The following BACH2 variants were observed in gnomAD, a reference collection of about 807,000 sequenced individuals.
BACH2 encodes BACH transcriptional regulator 2.
Under a neutral mutation model 61.8 loss-of-function variants are expected in BACH2, and 5 were observed. The observed-to-expected ratio is 0.08, with a 90% CI of 0.04 to 0.17. The LOEUF is 0.17. Among genes scored for constraint, BACH2 ranks in the 10% least tolerant of loss-of-function variants. The pLI is 1.00. For synonymous variants in BACH2, 446 were observed against 440.1 expected, an observed-to-expected ratio of 1.01 and a Z score of -0.17; for missense variants, 824 against 1,091.1, an observed-to-expected ratio of 0.76 and a Z score of 3.45.
intron 6 of BACH2, among the ~76,000 whole-genome samples, chr6:89,975,309 C>T (rs16882323): frequency 0.026 from 3,917 of 152,248 alleles, 241 homozygotes; most frequent in Admixed American, 0.14. Flanking sequence ...GTATGGAACT[C>T]GACTGATACT....
chr6:89,949,886 G>A (rs1173552730), intron 7 of BACH2, among the ~76,000 whole-genome samples: 1 of 152,088 alleles, frequency 6.6e-6, no homozygotes, highest in Non-Finnish European at 1.5e-5. Context: ...CGCTGAACGG[G>A]TGAAGGGCAA....
intron 4 of BACH2, among the ~76,000 whole-genome samples, chr6:90,197,799 G>A (rs186815595): frequency 6.6e-6 from 1 of 152,208 alleles, no homozygotes; most frequent in Non-Finnish European, 1.5e-5. Flanking sequence ...AGGGGACGCA[G>A]AGAAGCAAAG....
intron 4 of BACH2, among the ~76,000 whole-genome samples, chr6:90,154,322 T>C (rs1784920319): frequency 6.6e-6 from 1 of 152,096 alleles, no homozygotes; most frequent in African/African-American, 2.4e-5. Flanking sequence ...GGTAAAAAAG[T>C]CTCAAGAGCC....
intron 5 of BACH2, among the ~76,000 whole-genome samples, chr6:90,082,869 CT>C (rs1350752945): frequency 1.3e-5 from 2 of 152,194 alleles, no homozygotes; most frequent in African/African-American, 4.8e-5. Context: ...GCATACTAAT[CT>C]GAACTGAACT....
At chr6:90,183,934 A>C (rs1313394784) in intron 4 of BACH2, among the ~76,000 whole-genome samples, 1 of 152,246 alleles carries the variant, frequency 6.6e-6, no homozygotes. Context: ...GAAAGGAAAC[A>C]ATAAACAACA....
chr6:90,070,412 CCTT>C (rs985118283), intron 5 of BACH2, among the ~76,000 whole-genome samples: 3 of 152,086 alleles, frequency 2.0e-5, no homozygotes, highest in African/African-American at 7.2e-5. Flanking sequence ...TAGCTGGTTC[CCTT>C]CTTTTCACCC....
At chr6:90,037,732 G>A (rs1209816594) in intron 5 of BACH2, among the ~76,000 whole-genome samples, 1 of 152,194 alleles carries the variant, frequency 6.6e-6, no homozygotes. Flanking sequence ...CTAACCTCCT[G>A]TAGCTCAGAA....
intron 5 of BACH2, among the ~76,000 whole-genome samples, chr6:90,026,213 GC>G (rs1778628513): frequency 6.6e-6 from 1 of 152,176 alleles, no homozygotes; most frequent in Admixed American, 6.5e-5. Flanking sequence ...TGAAAATTGA[GC>G]TCAGTAATTA....
intron 5 of BACH2, among the ~76,000 whole-genome samples, chr6:90,061,340 T>C (rs1341285383): frequency 6.6e-5 from 10 of 152,168 alleles, no homozygotes; most frequent in African/African-American, 9.7e-5. Flanking sequence ...GGATCCCTGG[T>C]TGATGGCTGG....
rs1468794294 is a variant in BACH2 at position 90,102,822 on chromosome 6, AATAATAATAATAAT to A, written c.-161-13727_-161-13714del. Among the ~76,000 whole-genome samples, 793 of 139,856 alleles carry A rather than the reference AATAATAATAATAAT, an allele frequency of 5.7e-3. 5 individuals are homozygous for A. The highest frequency in any genetic ancestry group is 0.019 in the African/African-American group (749 of 38,854). The allele number at this position is 139,856 out of a possible 152,430, so 91.8% of individuals were successfully genotyped here. A position where few individuals can be genotyped will look rare whatever the true frequency, so the allele number is the denominator to read the frequency against. On this transcript the variant is annotated intron_variant, in intron 4 of 8. Coordinates refer to ENST00000257749, the MANE Select transcript of BACH2 (RefSeq NM_021813.4). ...TAATAATAATAATAATAATAATAAT[AATAATAATAATAAT>A]AATAAAAATAAAAGGACCTTCCATT...
chr6:90,178,682 C>A (rs1249081729), intron 4 of BACH2, among the ~76,000 whole-genome samples: 1 of 151,136 alleles, frequency 6.6e-6, no homozygotes, highest in Non-Finnish European at 1.5e-5. Flanking sequence ...ACTTGTCACT[C>A]AAAAAAAAAG....
intron 5 of BACH2, among the ~76,000 whole-genome samples, chr6:90,079,977 T>C (rs1781652683): frequency 6.6e-6 from 1 of 151,890 alleles, no homozygotes; most frequent in Non-Finnish European, 1.5e-5. Context: ...CCAATGGGCA[T>C]TTTCAAAGAC....
intron 8 of BACH2, among the ~76,000 whole-genome samples, chr6:89,934,750 C>G (rs1247684254): frequency 6.6e-6 from 1 of 152,082 alleles, no homozygotes; most frequent in Non-Finnish European, 1.5e-5. Flanking sequence ...AAAGGGGCAT[C>G]TGAAGCAGCA....
At chr6:90,076,713 C>T (rs1050392655) in intron 5 of BACH2, among the ~76,000 whole-genome samples, 2 of 152,112 alleles carry the variant, frequency 1.3e-5, no homozygotes, top group African/African-American at 4.8e-5. Context: ...CATTTATACT[C>T]CACCGTGTCG....
intron 4 of BACH2, among the ~76,000 whole-genome samples, chr6:90,152,646 T>C (rs529730226): frequency 6.6e-6 from 1 of 152,338 alleles, no homozygotes; most frequent in Non-Finnish European, 1.5e-5. Flanking sequence ...ACAAAGTAGG[T>C]GCCTAATAAA....
At chr6:90,053,242 C>G (rs1324770580) in intron 5 of BACH2, among the ~76,000 whole-genome samples, 1 of 151,970 alleles carries the variant, frequency 6.6e-6, no homozygotes, top group East Asian at 1.9e-4. Flanking sequence ...TTTTTCAGAC[C>G]TTTTGCTATC....
intron 4 of BACH2, among the ~76,000 whole-genome samples, chr6:90,147,026 A>G (rs1784642638): frequency 1.3e-5 from 2 of 152,132 alleles, no homozygotes; most frequent in Admixed American, 6.5e-5. Context: ...AAAAGAAAAA[A>G]ATTTTTCCCG....
At chr6:90,108,232 T>C (rs2127814907) in intron 4 of BACH2, among the ~76,000 whole-genome samples, 1 of 152,276 alleles carries the variant, frequency 6.6e-6, no homozygotes, top group East Asian at 1.9e-4. Context: ...ATCACTAACC[T>C]GAGATCTCAA....
At chr6:89,967,126 G>T (rs1775088267) in intron 6 of BACH2, among the ~76,000 whole-genome samples, 1 of 152,228 alleles carries the variant, frequency 6.6e-6, no homozygotes. Context: ...CAACACAGGG[G>T]ATGGTAAGAA....
Sources: allele counts gnomAD v4.1 joint callset (sites outside exome capture counted in the v4.1 genomes callset), GRCh38; gene constraint gnomAD v4.1.1; transcripts MANE v1.5; gene names NCBI Gene and HGNC (gene_info 2026-07-23, HGNC 2026-07-21).